SLC46A3: variants seen among roughly 807,000 people sequenced by gnomAD.
The protein encoded by SLC46A3 is solute carrier family 46 member 3.
Under a neutral mutation model 38.5 loss-of-function variants are expected in SLC46A3, and 26 were observed. That is an observed-to-expected ratio of 0.68 (90% CI 0.49 to 0.94). The LOEUF is 0.94. SLC46A3 is among the 40% of genes least tolerant of loss of function. The pLI is 0.00. For missense variants in SLC46A3, 510 were observed against 544.3 expected, an observed-to-expected ratio of 0.94 and a Z score of 0.63; for synonymous variants, 185 against 192.5, an observed-to-expected ratio of 0.96 and a Z score of 0.32.
chr13:28,716,304 C>T (rs1462682813), intron 2 of SLC46A3, among the ~76,000 whole-genome samples: 1 of 152,048 alleles, frequency 6.6e-6, no homozygotes, highest in Non-Finnish European at 1.5e-5. Flanking sequence ...TCTCCAGAGC[C>T]GAAATCTGAA....
intron 2 of SLC46A3, among the ~76,000 whole-genome samples, 178 bp from the exon 3 acceptor site, chr13:28,713,728 C>T (rs1311009615): frequency 6.6e-6 from 1 of 152,130 alleles, no homozygotes; most frequent in African/African-American, 2.4e-5. Flanking sequence ...GCAATGCAGA[C>T]TGAGTATCCC....
At chr13:28,703,567 C>G (rs997991195) in intron 5 of SLC46A3, 1 of 153,078 alleles carries the variant, frequency 6.5e-6, no homozygotes, top group African/African-American at 2.4e-5. Context: ...GGGGGTCTTG[C>G]TATGTTGTCC....
intron 5 of SLC46A3, among the ~76,000 whole-genome samples, chr13:28,702,576 A>G (rs141669738): frequency 6.4e-4 from 98 of 152,324 alleles, no homozygotes; most frequent in African/African-American, 2.2e-3. Context: ...CAGTTGTCTC[A>G]TGTGCTTACC....
rs1483274701 is a variant in SLC46A3, at chr13:28,701,206, C to A, written c.*291G>T. ...ACCTTATCAAGTTTCTTGATCCCTC[C>A]TTACACCCTTAAGTTTTAATGTTTC... On this transcript the variant is annotated 3_prime_UTR_variant, in exon 6 of 6. Transcript: ENST00000266943. The A allele has an allele frequency of 7.2e-6, 10 of 1,397,496 alleles. No homozygotes were observed. The highest frequency in any genetic ancestry group is 3.2e-5 in the Admixed American group (1 of 31,568). The allele number at this position is 1,397,496 out of a possible 1,614,324, so 86.6% of individuals were successfully genotyped here.
Position 28,701,477 on chromosome 13 carries a change from T to TTTGA in SLC46A3, c.*19_*20insTCAA, listed in dbSNP as rs1344391945. On this transcript the variant is annotated 3_prime_UTR_variant, in exon 6 of 6. Transcript: ENST00000266943. ...ATGATATGTGCATTCATAGATTTTTTTTGTTTGTTTAAATCACAGTCACCT... is the reference window on the plus strand; with the variant it reads ...ATGATATGTGCATTCATAGATTTTTTTTGATTGTTTGTTTAAATCACAGTCACCT... 2 of 1,607,386 alleles carry TTTGA rather than the reference T, an allele frequency of 1.2e-6. No homozygotes were observed. Among genetic ancestry groups the TTTGA allele is most frequent in the African/African-American group, 2.7e-5 (2 of 74,406 alleles).
At chr13:28,705,094 G>C (rs1325475334) in intron 4 of SLC46A3, among the ~76,000 whole-genome samples, 1 of 152,184 alleles carries the variant, frequency 6.6e-6, no homozygotes, top group Non-Finnish European at 1.5e-5. Flanking sequence ...CTCATCATCA[G>C]ATATAAAATT....
At position 28,701,144 on chromosome 13, in the gene SLC46A3, A is replaced by G; in HGVS notation, c.*353T>C. On this transcript the variant is annotated 3_prime_UTR_variant, in exon 6 of 6. Coordinates refer to ENST00000266943, the MANE Select transcript of SLC46A3 (RefSeq NM_181785.4). ...AAAGATTTCTCTTTGGTCTCAGTGT[A>G]AGAGCCTGGAATATGTCAGAGAGAT... 1.4e-6 allele frequency: 2 copies of G among 1,431,888 alleles called. No individual in the cohort carries two copies. The highest frequency in any genetic ancestry group is 1.8e-6 in the Non-Finnish European group (2 of 1,092,894). 88.7% of individuals were successfully genotyped at this position (1,431,888 alleles called of 1,614,324 possible).
At chr13:28,712,605 TC>T in intron 3 of SLC46A3, 74 bp downstream of exon 3, 1 of 1,411,722 alleles carries the variant, frequency 7.1e-7, no homozygotes, top group Admixed American at 2.6e-5. Context: ...TTAAAGTTTC[TC>T]CCCCAGTAGA....
At chr13:28,710,724 T>A (rs1306934033) in intron 4 of SLC46A3, 36 bp downstream of exon 4, 1 of 1,460,616 alleles carries the variant, frequency 6.8e-7, no homozygotes, top group African/African-American at 1.4e-5. Flanking sequence ...TTTGTAAAGA[T>A]GGTAGATTCA....
At chr13:28,703,448 A>G (rs1304939535) in intron 5 of SLC46A3, among the ~76,000 whole-genome samples, 1 of 152,230 alleles carries the variant, frequency 6.6e-6, no homozygotes. Context: ...AGTTATAATG[A>G]ACACAATCCT....
intron 4 of SLC46A3, among the ~76,000 whole-genome samples, chr13:28,708,282 G>A (rs960956614): frequency 1.3e-5 from 2 of 152,108 alleles, no homozygotes; most frequent in South Asian, 2.1e-4. Flanking sequence ...GTTCCCACTC[G>A]CAGTGTATGA....
At chr13:28,704,300 G>A in intron 4 of SLC46A3, 1 of 565,862 alleles carries the variant, frequency 1.8e-6, no homozygotes. Flanking sequence ...TAAGGGAAAG[G>A]TTCTCCTTGG....
At chr13:28,704,164 A>G in intron 4 of SLC46A3, 65 bp from the exon 5 acceptor site, 1 of 1,414,586 alleles carries the variant, frequency 7.1e-7, no homozygotes, top group South Asian at 1.3e-5. Flanking sequence ...AACAAACACA[A>G]ACTAATGGAG....
chr13:28,712,670 T>C lies in SLC46A3; in HGVS notation c.1060+10A>G. On this transcript the variant is annotated intron_variant, in intron 3 of 5. Transcript: ENST00000266943. Reference sequence around the variant, plus strand: ...ACATAGTTAGTTCTAAAGCTACACTTGGAACTCACCTAAAAACATCATCAG... The same window carrying C: ...ACATAGTTAGTTCTAAAGCTACACTCGGAACTCACCTAAAAACATCATCAG... 1 of 1,558,242 alleles carries C rather than the reference T, an allele frequency of 6.4e-7. No individual in the cohort carries two copies. The highest frequency in any genetic ancestry group is 8.6e-7 in the Non-Finnish European group (1 of 1,160,628).
chr13:28,708,712 T>C (rs1885253300), intron 4 of SLC46A3, among the ~76,000 whole-genome samples: 1 of 151,618 alleles, frequency 6.6e-6, no homozygotes, highest in African/African-American at 2.4e-5. Context: ...CCACCCGCTT[T>C]GGCCTCCCAA....
chr13:28,702,155 T>G (rs980686722), intron 5 of SLC46A3, among the ~76,000 whole-genome samples: 22 of 68,632 alleles, frequency 3.2e-4, no homozygotes, highest in African/African-American at 7.0e-4. Context: ...AAAAAATCTG[T>G]TTTTTTTTGG....
Position 28,713,018 on chromosome 13 carries a change from AG to A in SLC46A3, c.721del (p.Leu241TyrfsTer27). ...TMSCSEGFKNLFYRTYMLFKN... is the reference protein window; with the variant it reads ...TMSCSEGFKNXFYRTYMLFKN... ...AAAAAGCATGTAAGTTCGGTAAAAT[AG>A]GTTTTTGAAGCCTTCACTACATGAC... is the stretch of plus-strand genomic sequence containing the variant. On this transcript the variant is annotated frameshift_variant, in exon 3 of 6. Transcript: ENST00000266943. LOFTEE classifies it high-confidence loss of function. 2 of 1,612,746 alleles carry A rather than the reference AG, an allele frequency of 1.2e-6. No homozygotes were observed. Among genetic ancestry groups the A allele is most frequent in the Non-Finnish European group, 1.7e-6 (2 of 1,179,818 alleles).
rs1885012852 is a variant in SLC46A3 at position 28,701,367 on chromosome 13, A to G, written c.*130T>C. 3 of 1,460,586 alleles carry G rather than the reference A, an allele frequency of 2.1e-6. No homozygotes were observed. The highest frequency in any genetic ancestry group is 2.7e-6 in the Non-Finnish European group (3 of 1,108,014). The allele number at this position is 1,460,586 out of a possible 1,614,324, so 90.5% of individuals were successfully genotyped here. ...CCAGGAGCTGTCTCTCTGACTGTTC[A>G]GTTTAGAAGAAAAGATAGGTAAAAT... On this transcript the variant is annotated 3_prime_UTR_variant, in exon 6 of 6. Transcript: ENST00000266943.
At chr13:28,706,285 T>C (rs995551130) in intron 4 of SLC46A3, among the ~76,000 whole-genome samples, 1 of 152,224 alleles carries the variant, frequency 6.6e-6, no homozygotes, top group African/African-American at 2.4e-5. Flanking sequence ...ATAGAAATAA[T>C]GAGAGCCAAC....
Sources: allele counts gnomAD v4.1 joint callset (sites outside exome capture counted in the v4.1 genomes callset), GRCh38; gene constraint gnomAD v4.1.1; transcripts MANE v1.5; gene names NCBI Gene and HGNC (gene_info 2026-07-23, HGNC 2026-07-21).